PCDH9: variants seen among roughly 807,000 people sequenced by gnomAD.
PCDH9 encodes protocadherin 9.
Under a neutral mutation model 70.6 loss-of-function variants are expected in PCDH9, and 24 were observed. That is an observed-to-expected ratio of 0.34 (90% CI 0.25 to 0.48). The LOEUF (loss-of-function observed/expected upper bound fraction) is 0.48. Ranked by LOEUF, PCDH9 falls within the 20% of genes least tolerant of loss-of-function variation. The pLI is 0.99. For missense variants in PCDH9, 1,281 were observed against 1,503.6 expected (o/e 0.85, Z 2.45); for synonymous variants, 562 against 558.5 (o/e 1.01, Z -0.09).
intron 4 of PCDH9, among the ~76,000 whole-genome samples, chr13:66,354,971 T>C (rs1326273363): frequency 6.6e-6 from 1 of 152,166 alleles, no homozygotes; most frequent in East Asian, 1.9e-4. Context: ...CAGTTAAGTC[T>C]GGGTGGGATA....
At chr13:66,657,855 G>A (rs1460175346) in intron 3 of PCDH9, among the ~76,000 whole-genome samples, 2 of 152,150 alleles carry the variant, frequency 1.3e-5, no homozygotes, top group South Asian at 4.1e-4. Flanking sequence ...GCACATCAAA[G>A]AAATCTACAG....
At chr13:66,789,434 A>G (rs1043528044) in intron 3 of PCDH9, among the ~76,000 whole-genome samples, 1 of 152,148 alleles carries the variant, frequency 6.6e-6, no homozygotes. Flanking sequence ...GACAAACTTA[A>G]AATTTTACCT....
chr13:66,783,107 C>CT, intron 3 of PCDH9, among the ~76,000 whole-genome samples: 1 of 152,210 alleles, frequency 6.6e-6, no homozygotes, highest in Admixed American at 6.6e-5. Context: ...GCTACTTCGT[C>CT]TTTTTTATCT....
intron 4 of PCDH9, among the ~76,000 whole-genome samples, chr13:66,544,409 C>T (rs1045412683): frequency 6.6e-6 from 1 of 152,088 alleles, no homozygotes; most frequent in Non-Finnish European, 1.5e-5. Context: ...TCATATGACA[C>T]GTATATATGA....
At chr13:66,967,829 T>C (rs956471007) in intron 2 of PCDH9, among the ~76,000 whole-genome samples, 3 of 152,058 alleles carry the variant, frequency 2.0e-5, no homozygotes, top group Non-Finnish European at 4.4e-5. Context: ...CATTGAATCC[T>C]AGAAAATGAT....
rs1198424297 is a variant in PCDH9, at chr13:66,542,685, TATG to T, written c.3340+88522_3340+88524del. Among the ~76,000 whole-genome samples, 8 of 82,300 alleles carry T rather than the reference TATG, an allele frequency of 9.7e-5. 1 individual carries two copies. Among genetic ancestry groups the T allele is most frequent in the Non-Finnish European group, 9.1e-5 (3 of 32,840 alleles). The allele number at this position is 82,300 out of a possible 152,430, so 54.0% of individuals were successfully genotyped here. A position where few individuals can be genotyped will look rare whatever the true frequency, so the allele number is the denominator to read the frequency against. On this transcript the variant is annotated intron_variant, in intron 4 of 4. Transcript: ENST00000377865. ...AAATATATATATATTTAAATATATA[TATG>T]TTTAAATATATATATATAAAAACAT...
intron 3 of PCDH9, among the ~76,000 whole-genome samples, chr13:66,671,101 T>C (rs1214138667): frequency 6.6e-6 from 1 of 152,072 alleles, no homozygotes; most frequent in East Asian, 1.9e-4. Flanking sequence ...TTTGATGGTT[T>C]TATAAAGGGC....
intron 4 of PCDH9, among the ~76,000 whole-genome samples, chr13:66,499,062 A>T (rs532483746): frequency 6.6e-6 from 1 of 152,186 alleles, no homozygotes; most frequent in South Asian, 2.1e-4. Flanking sequence ...GTCAGACCTG[A>T]ATGCCTAAAA....
At chr13:66,564,882 T>C (rs1022656830) in intron 4 of PCDH9, among the ~76,000 whole-genome samples, 1 of 152,054 alleles carries the variant, frequency 6.6e-6, no homozygotes, top group African/African-American at 2.4e-5. Context: ...TTTTTTAATT[T>C]TTGATACCCT....
chr13:67,085,682 G>C lies in PCDH9; in HGVS notation c.3036+139723C>G, dbSNP rs926346409. Among the ~76,000 whole-genome samples, 3 of 152,194 alleles carry C rather than the reference G, an allele frequency of 2.0e-5. No homozygotes were observed. In the East Asian group the frequency reaches 5.8e-4, roughly 29 times the overall value. ...TTTGGTCAAACAGAAAATAGCTTGA[G>C]ACCTACTTTGTTCTGTTTCTGTGGC... is the stretch of plus-strand genomic sequence containing the variant. On this transcript the variant is annotated intron_variant, in intron 2 of 4. Coordinates refer to ENST00000377865, the MANE Select transcript of PCDH9 (RefSeq NM_203487.3).
chr13:66,622,993 A>G (rs1000212603), intron 4 of PCDH9, among the ~76,000 whole-genome samples: 1 of 152,168 alleles, frequency 6.6e-6, no homozygotes, highest in African/African-American at 2.4e-5. Flanking sequence ...TAAGAGCTGT[A>G]ACACTCACGG....
At chr13:66,509,683 G>T (rs895143943) in intron 4 of PCDH9, among the ~76,000 whole-genome samples, 1 of 151,936 alleles carries the variant, frequency 6.6e-6, no homozygotes, top group African/African-American at 2.4e-5. Context: ...AAACTCCTGG[G>T]CTCAAGAAAT....
chr13:66,436,687 G>A (rs547661106), intron 4 of PCDH9, among the ~76,000 whole-genome samples: 20 of 152,086 alleles, frequency 1.3e-4, no homozygotes, highest in African/African-American at 4.8e-4. Flanking sequence ...CCTTAGTTTC[G>A]ATTATTTAAA....
intron 4 of PCDH9, among the ~76,000 whole-genome samples, chr13:66,528,412 G>A (rs1369031133): frequency 6.6e-6 from 1 of 152,088 alleles, no homozygotes; most frequent in Non-Finnish European, 1.5e-5. Context: ...CCGCAATAGT[G>A]CAATTGTACA....
chr13:67,195,483 T>C (rs1413896759), intron 2 of PCDH9, among the ~76,000 whole-genome samples: 2 of 152,078 alleles, frequency 1.3e-5, no homozygotes, highest in Non-Finnish European at 2.9e-5. Context: ...TCTTCCTTAA[T>C]AGGTACCAAA....
At chr13:66,869,168 G>C (rs2081627735) in intron 3 of PCDH9, among the ~76,000 whole-genome samples, 1 of 152,056 alleles carries the variant, frequency 6.6e-6, no homozygotes, top group South Asian at 2.1e-4. Context: ...CACAGTTCCT[G>C]GCCCCTCGCT....
chr13:66,952,654 C>T (rs1219482759), intron 2 of PCDH9, among the ~76,000 whole-genome samples: 2 of 152,102 alleles, frequency 1.3e-5, no homozygotes, highest in Admixed American at 6.6e-5. Flanking sequence ...TTCCTCAATG[C>T]TATAATTGCC....
intron 2 of PCDH9, among the ~76,000 whole-genome samples, chr13:67,072,023 T>C (rs1037883016): frequency 2.6e-5 from 4 of 152,102 alleles, no homozygotes; most frequent in Admixed American, 1.3e-4. Flanking sequence ...CTGAAAGCTG[T>C]AGAGTTTTGC....
At chr13:66,691,438 C>A (rs2078484072) in intron 3 of PCDH9, among the ~76,000 whole-genome samples, 1 of 152,118 alleles carries the variant, frequency 6.6e-6, no homozygotes, top group Non-Finnish European at 1.5e-5. Flanking sequence ...TTAAAGTATG[C>A]TAATAAACAA....
Sources: gnomAD v4.1 joint callset for allele counts (sites outside exome capture counted in the v4.1 genomes callset) on GRCh38, gnomAD v4.1.1 for gene constraint, MANE v1.5 for transcripts, NCBI Gene and HGNC (gene_info 2026-07-23, HGNC 2026-07-21) for gene names.